Variants in PRDM10 observed in about 807,000 individuals in gnomAD.
PRDM10 encodes the protein PR/SET domain 10.
In PRDM10, 65 loss-of-function variants were observed where a neutral mutation model predicts 133.1. That is an observed-to-expected ratio of 0.49 (90% CI 0.40 to 0.60). The LOEUF is 0.60. Among genes scored for constraint, PRDM10 ranks in the 20% least tolerant of loss-of-function variants. PRDM10 has a pLI of 0.00. For missense variants in PRDM10, 1,137 were observed against 1,507.1 expected (o/e 0.75, Z 4.07); for synonymous variants, 582 against 580.4 (o/e 1.00, Z -0.04).
intron 1 of PRDM10, among the ~76,000 whole-genome samples, chr11:129,994,481 AAAG>A (rs1183130492): frequency 2.0e-5 from 3 of 150,794 alleles, no homozygotes; most frequent in East Asian, 2.0e-4. Flanking sequence ...AAAAAAAAAA[AAAG>A]AAACGAAACT....
At chr11:129,903,093 G>A (rs1005235815) in intron 20 of PRDM10, among the ~76,000 whole-genome samples, 10 of 152,080 alleles carry the variant, frequency 6.6e-5, no homozygotes, top group African/African-American at 1.7e-4. Flanking sequence ...TCAGGAGTTC[G>A]AGACCAGCCT....
Position 129,957,910 on chromosome 11 carries a change from C to G in PRDM10, c.70G>C (p.Val24Leu). Residue 24 changes from valine (V) to leucine (L), a missense_variant and splice_region_variant, in exon 3 of 21, where the codon GTG (valine) becomes CTG (leucine). Physicochemically the swap from Val to Leu is conservative, Grantham distance 32. Around this residue, in one of 6 missense-constraint regions of PRDM10, gnomAD observed 635 missense variants for 835.2 expected, o/e 0.76. Transcript: ENST00000360871. Reference sequence around the variant, plus strand: ...GTTCCTGTGTCCGGAACAAAGTGCACCTGGCATAAACAGGAGACAAAGAAC... The same window carrying G: ...GTTCCTGTGTCCGGAACAAAGTGCAGCTGGCATAAACAGGAGACAAAGAAC... ...SAEHEQNAAQ[V>L]HFVPDTGTVA... 3.1e-6 allele frequency: 5 copies of G among 1,609,402 alleles called. No homozygotes were observed. The South Asian group carries it at 4.4e-5, about 14-fold the overall frequency.
Position 129,944,880 on chromosome 11 carries a change from A to C in PRDM10, c.653T>G (p.Leu218Arg), listed in dbSNP as rs1040593174. ...GCGCCGCTTGGAGAACACCCCGCCC[A>C]GAAACCTGTCTATGTAGAGCACCAG... Reference protein sequence around the residue: ...LPLVLYIDRFLGGVFSKRRIP... With the variant: ...LPLVLYIDRFRGGVFSKRRIP... The change falls in exon 6 of 21, where the codon CTG becomes CGG. Residue 218 changes from leucine (L) to arginine (R), a missense_variant. Physicochemically the swap from Leu to Arg is moderately radical, Grantham distance 102 (BLOSUM62 -2). Transcript: ENST00000360871. The C allele has an allele frequency of 6.2e-7, 1 of 1,614,166 alleles. No homozygotes were observed.
At chr11:130,001,248 A>G (rs1939355182) in intron 1 of PRDM10, among the ~76,000 whole-genome samples, 1 of 152,184 alleles carries the variant, frequency 6.6e-6, no homozygotes, top group Non-Finnish European at 1.5e-5. Flanking sequence ...ACTGCTCATC[A>G]AAGTGGAAGC....
intron 17 of PRDM10, among the ~76,000 whole-genome samples, chr11:129,913,601 T>C (rs1162556555): frequency 6.6e-6 from 1 of 152,196 alleles, no homozygotes; most frequent in African/African-American, 2.4e-5. Context: ...ATCATAAACA[T>C]CTTTGAAAAA....
rs1951394311 is a variant in PRDM10, at chr11:129,945,973, C to A, written c.521-961G>T. On this transcript the variant is annotated intron_variant, in intron 5 of 20. Coordinates refer to ENST00000360871, the MANE Select transcript of PRDM10 (RefSeq NM_199437.2). This position sits in a 1 kb window ranked among gnomAD's most constrained non-coding sequence, Gnocchi z 4.2. ...AGAATTTTTCCCAGGTGCAGTGGCT[C>A]AGCCTGTAATCCCAGCACTTTGGGA... 6.6e-6 allele frequency among the ~76,000 whole-genome samples: 1 copy of A among 152,038 alleles called. No homozygotes were observed. The highest frequency in any genetic ancestry group is 2.1e-4 in the South Asian group (1 of 4,818).
intron 1 of PRDM10, among the ~76,000 whole-genome samples, chr11:129,965,623 G>T (rs1010280270): frequency 1.1e-4 from 17 of 152,096 alleles, no homozygotes; most frequent in Non-Finnish European, 2.5e-4. Flanking sequence ...TCCAGGAAGA[G>T]AATGATATGG....
rs1950588251 is a variant in PRDM10, at chr11:129,923,683, A to C, written c.1879-280T>G. 1.3e-5 allele frequency among the ~76,000 whole-genome samples: 2 copies of C among 148,438 alleles called. No homozygotes were observed. Among genetic ancestry groups the C allele is most frequent in the African/African-American group, 4.9e-5 (2 of 40,612 alleles). Reference sequence around the variant, plus strand: ...GAGAGAGAGAGAGAGAGAGAGAGAGAGAGAGAGAGAGTGCTTGCTTGGTCA... The same window carrying C: ...GAGAGAGAGAGAGAGAGAGAGAGAGCGAGAGAGAGAGTGCTTGCTTGGTCA... On this transcript the variant is annotated intron_variant, in intron 12 of 20. Transcript: ENST00000360871. The surrounding 1 kb of genome is among the most constrained non-coding windows in gnomAD (Gnocchi z 4.4).
At chr11:129,940,713 T>C (rs1358558358) in intron 7 of PRDM10, among the ~76,000 whole-genome samples, 2 of 152,236 alleles carry the variant, frequency 1.3e-5, no homozygotes. Flanking sequence ...TTTAAAACTT[T>C]TTTTTACTAT....
chr11:129,977,703 C>A (rs189377165), intron 1 of PRDM10, among the ~76,000 whole-genome samples: 2 of 152,214 alleles, frequency 1.3e-5, no homozygotes, highest in East Asian at 3.9e-4. Flanking sequence ...GCCCATAATC[C>A]CACCACTTTG....
Position 129,957,803 on chromosome 11 carries a change from T to A in PRDM10, c.177A>T (p.Thr59=). 1 of 1,614,244 alleles carries A rather than the reference T, an allele frequency of 6.2e-7. No individual in the cohort carries two copies. The highest frequency in any genetic ancestry group is 8.5e-7 in the Non-Finnish European group (1 of 1,180,026). Reference sequence around the variant, plus strand: ...GCGTGTGCTCTGGACCATCCACTGATGTGTAGGAGGCACCATCTGCCGTGT... The same window carrying A: ...GCGTGTGCTCTGGACCATCCACTGAAGTGTAGGAGGCACCATCTGCCGTGT... ...VVYTADGASY[T]SVDGPEHTLV... Residue 59 remains threonine, a synonymous_variant, in exon 3 of 21, where the codon ACA becomes ACT. Coordinates refer to ENST00000360871, the MANE Select transcript of PRDM10 (RefSeq NM_199437.2).
At chr11:129,950,771 GA>G (rs1261464314) in intron 4 of PRDM10, among the ~76,000 whole-genome samples, 1 of 152,202 alleles carries the variant, frequency 6.6e-6, no homozygotes, top group East Asian at 1.9e-4. Flanking sequence ...TCGCTCTGCA[GA>G]GCCAACCTGA....
At chr11:129,998,821 T>C (rs1939195976) in intron 1 of PRDM10, among the ~76,000 whole-genome samples, 1 of 144,256 alleles carries the variant, frequency 6.9e-6, no homozygotes, top group South Asian at 2.2e-4. Flanking sequence ...TGTAATAACT[T>C]TTTTTTTTTT....
In PRDM10 at chr11:129,902,155, G is replaced by T; in HGVS notation, c.*158C>A. 2 of 1,013,884 alleles carry T rather than the reference G, an allele frequency of 2.0e-6. No homozygotes were observed. The highest frequency in any genetic ancestry group is 2.8e-6 in the Non-Finnish European group (2 of 722,280). The allele number at this position is 1,013,884 out of a possible 1,614,324, so 62.8% of individuals were successfully genotyped here. ...GAGTCAATTTGATAAAGATGACCTT[G>T]GCAAAATAAACCCCAGTGTATGGAT... is the stretch of plus-strand genomic sequence containing the variant. On this transcript the variant is annotated 3_prime_UTR_variant, in exon 21 of 21. Transcript: ENST00000360871.
Position 129,902,508 on chromosome 11 carries a change from A to T in PRDM10, c.3276T>A (p.Tyr1092Ter), listed in dbSNP as rs1949872885. 2 of 1,614,006 alleles carry T rather than the reference A, an allele frequency of 1.2e-6. No homozygotes were observed. Among genetic ancestry groups the T allele is most frequent in the Non-Finnish European group, 1.7e-6 (2 of 1,179,870 alleles). ...GQVKAVTSGH[Y>*]VLSESQSELE... ...ATTCTGATTGACTTTCTGATAACAC[A>T]TAATGACCCTAGAGGAAGAAGAAAA... Residue 1092 changes from tyrosine (Y) to a stop codon, truncating the protein, a stop_gained, in exon 21 of 21, where the codon TAT becomes TAA. Transcript: ENST00000360871. LOFTEE classifies it high-confidence loss of function.
intron 4 of PRDM10, among the ~76,000 whole-genome samples, chr11:129,952,070 CT>C (rs1951595253): frequency 6.6e-6 from 1 of 152,132 alleles, no homozygotes; most frequent in South Asian, 2.1e-4. Context: ...GGAAAGGAAA[CT>C]ACAATGAAGA....
intron 11 of PRDM10, chr11:129,929,339 A>C: frequency 6.9e-7 from 1 of 1,451,662 alleles, no homozygotes; most frequent in Non-Finnish European, 9.3e-7. Context: ...TAGTAAGTAC[A>C]GGTTGCAAAG....
At chr11:129,996,509 C>T (rs976839489) in intron 1 of PRDM10, among the ~76,000 whole-genome samples, 9 of 152,222 alleles carry the variant, frequency 5.9e-5, no homozygotes, top group Non-Finnish European at 1.3e-4. Context: ...CTCTCACACT[C>T]CACAGCAGAG....
At chr11:129,936,170 T>A (rs1024021301) in intron 8 of PRDM10, among the ~76,000 whole-genome samples, 3 of 152,148 alleles carry the variant, frequency 2.0e-5, no homozygotes, top group Admixed American at 2.0e-4. Context: ...TGGTTGGGAA[T>A]CATACATCAA....
Sources: allele counts gnomAD v4.1 joint callset (sites outside exome capture counted in the v4.1 genomes callset), GRCh38; gene constraint gnomAD v4.1.1; regional missense constraint gnomAD v4.1.1; non-coding constraint Gnocchi (gnomAD v3.1); transcripts MANE v1.5; gene names NCBI Gene and HGNC (gene_info 2026-07-23, HGNC 2026-07-21).